Variants in ENTPD1 observed in about 807,000 individuals in gnomAD.
The protein encoded by ENTPD1 is ectonucleoside triphosphate diphosphohydrolase 1.
Under a neutral mutation model 57.0 loss-of-function variants are expected in ENTPD1, and 33 were observed. The ratio of observed to expected loss-of-function variants is 0.58; its 90% CI spans 0.44 to 0.77. The LOEUF (loss-of-function observed/expected upper bound fraction) is 0.77, where lower values mean the gene tolerates loss of function less well. ENTPD1 is among the 30% of genes least tolerant of loss of function. The pLI, the probability that ENTPD1 is intolerant of heterozygous loss-of-function variation, is 0.00. For missense variants in ENTPD1, 501 were observed against 603.4 expected (o/e 0.83, Z 1.78); for synonymous variants, 202 against 218.8 (o/e 0.92, Z 0.68).
In ENTPD1 at chr10:95,830,025, G is replaced by A. The variant is rs567082504; in HGVS notation, c.144+6661G>A. On this transcript the variant is annotated intron_variant, in intron 2 of 9. Transcript: ENST00000371205. ...GGGACTCTGCAGAGAGTCCCCACCAGCAAGAAGGCCCTCCTGAGATGTTGC... is the reference window on the plus strand; with the variant it reads ...GGGACTCTGCAGAGAGTCCCCACCAACAAGAAGGCCCTCCTGAGATGTTGC... 2.0e-5 allele frequency among the ~76,000 whole-genome samples: 3 copies of A among 152,202 alleles called. No individual in the cohort carries two copies. In the South Asian group the frequency reaches 6.2e-4, roughly 32 times the overall value.
At chr10:95,858,142 G>A (rs887997514) in intron 7 of ENTPD1, among the ~76,000 whole-genome samples, 6 of 146,234 alleles carry the variant, frequency 4.1e-5, no homozygotes, top group African/African-American at 1.5e-4. Context: ...GGGCGACAGA[G>A]CAAGACTCCA....
At position 95,869,707 on chromosome 10, in the gene ENTPD1, G is replaced by GT; in HGVS notation, c.*3325dup. ...TAAAATTACACTTCATTTTAATGTT[G>GT]TATCAGTCAAGGTCCCTGCAAGAGA... On this transcript the variant is annotated 3_prime_UTR_variant, in exon 10 of 10. Transcript: ENST00000371205. 2.1e-6 allele frequency: 2 copies of GT among 949,062 alleles called. No homozygotes were observed. Among genetic ancestry groups the GT allele is most frequent in the Non-Finnish European group, 2.5e-6 (2 of 796,880 alleles). 58.8% of individuals were successfully genotyped at this position (949,062 alleles called of 1,614,324 possible). A position where few individuals can be genotyped will look rare whatever the true frequency, so the allele number is the denominator to read the frequency against.
At chr10:95,828,499 C>T (rs1344733673) in intron 2 of ENTPD1, among the ~76,000 whole-genome samples, 1 of 152,152 alleles carries the variant, frequency 6.6e-6, no homozygotes, top group Non-Finnish European at 1.5e-5. Context: ...CTCCTCACCA[C>T]CTCTGGGTCT....
At chr10:95,858,106 G>A (rs904871883) in intron 7 of ENTPD1, among the ~76,000 whole-genome samples, 1 of 150,036 alleles carries the variant, frequency 6.7e-6, no homozygotes, top group East Asian at 2.0e-4. Flanking sequence ...GCAGTGAGCC[G>A]AGATCGCGCC....
upstream of ENTPD1, among the ~76,000 whole-genome samples, chr10:95,751,136 G>A (rs2139901040): frequency 6.6e-6 from 1 of 152,346 alleles, no homozygotes; most frequent in South Asian, 2.1e-4. Flanking sequence ...GAGAGGTAGA[G>A]AGAGTCCTTA....
At chr10:95,699,768 G>A in the ENTPD1 span, among the ~76,000 whole-genome samples, 2 of 152,198 alleles carry the variant, frequency 1.3e-5, no homozygotes, top group Admixed American at 1.3e-4. Flanking sequence ...AAAAGTAGGA[G>A]GTGTGGTTGA....
In ENTPD1 at chr10:95,866,360, T is replaced by C. The variant is rs780001459; in HGVS notation, c.1510T>C (p.Tyr504His). The change falls in exon 10 of 10, where the codon TAT (tyrosine) becomes CAT (histidine). Residue 504 changes from tyrosine (Y) to histidine (H), a missense_variant. Tyr to His is a moderately conservative substitution (Grantham distance 83, BLOSUM62 2). Coordinates refer to ENST00000371205, the MANE Select transcript of ENTPD1 (RefSeq NM_001776.6). ...IGLLIFHKPSYFWKDMV is the reference protein window; with the variant it reads ...IGLLIFHKPSHFWKDMV ...CTTGCTTATCTTTCACAAGCCTTCA[T>C]ATTTCTGGAAAGATATGGTATAGCA... 9.9e-6 allele frequency: 16 copies of C among 1,614,052 alleles called. No individual in the cohort carries two copies. The highest frequency in any genetic ancestry group is 1.2e-5 in the Non-Finnish European group (14 of 1,180,038).
At chr10:95,827,441 C>T (rs1045176644) in intron 2 of ENTPD1, among the ~76,000 whole-genome samples, 1 of 151,240 alleles carries the variant, frequency 6.6e-6, no homozygotes, top group African/African-American at 2.4e-5. Flanking sequence ...GGTGACAGAG[C>T]AAGACTCTGT....
At chr10:95,814,025 T>A (rs1319485082) in intron 1 of ENTPD1, among the ~76,000 whole-genome samples, 2 of 152,212 alleles carry the variant, frequency 1.3e-5, no homozygotes, top group African/African-American at 4.8e-5. Flanking sequence ...AGGGCACAAT[T>A]TTTCAATTTC....
chr10:95,709,366 T>C (rs1425743686), upstream of ENTPD1, among the ~76,000 whole-genome samples: 1 of 152,164 alleles, frequency 6.6e-6, no homozygotes, highest in Non-Finnish European at 1.5e-5. Context: ...TCCTTATTTT[T>C]TTTTTCTGTT....
At chr10:95,793,143 C>G in intron 1 of ENTPD1, among the ~76,000 whole-genome samples, 1 of 152,196 alleles carries the variant, frequency 6.6e-6, no homozygotes, top group Non-Finnish European at 1.5e-5. Context: ...TCCCCTCCCA[C>G]CATTGTGTGA....
chr10:95,751,709 C>A (rs1253259240), upstream of ENTPD1, among the ~76,000 whole-genome samples: 4 of 115,422 alleles, frequency 3.5e-5, no homozygotes, highest in African/African-American at 1.4e-4. Flanking sequence ...AGTGAGACAT[C>A]GTCTCAAAAA....
chr10:95,872,115 A>G lies in ENTPD1; in HGVS notation c.*5732A>G, dbSNP rs544443329. On this transcript the variant is annotated 3_prime_UTR_variant, in exon 10 of 10. Transcript: ENST00000371205. ...TATTTCTCCTTCTAATATTACTGTT[A>G]TTGCTCCAGTAAAGAGCTGTAATAT... 1 of 985,358 alleles carries G rather than the reference A, an allele frequency of 1.0e-6. No homozygotes were observed. The highest frequency in any genetic ancestry group is 4.7e-5 in the South Asian group (1 of 21,288). 61.0% of individuals were successfully genotyped at this position (985,358 alleles called of 1,614,324 possible).
At chr10:95,825,847 G>A (rs2098373716) in intron 2 of ENTPD1, among the ~76,000 whole-genome samples, 1 of 152,116 alleles carries the variant, frequency 6.6e-6, no homozygotes, top group African/African-American at 2.4e-5. Context: ...CAAAATGCTG[G>A]GATTACAGGC....
chr10:95,848,083 G>A (rs921117218), intron 7 of ENTPD1, among the ~76,000 whole-genome samples: 1 of 152,148 alleles, frequency 6.6e-6, no homozygotes, highest in Non-Finnish European at 1.5e-5. Context: ...CTGACTAGGG[G>A]GTTGTGCCCA....
chr10:95,786,179 A>G (rs1295469807), intron 1 of ENTPD1, among the ~76,000 whole-genome samples: 2 of 152,114 alleles, frequency 1.3e-5, no homozygotes, highest in East Asian at 1.9e-4. Context: ...CTCCCTAGGG[A>G]TGGTTTGCCC....
At chr10:95,844,747 G>A (rs2098430796) in intron 5 of ENTPD1, 112 bp downstream of exon 5, 3 of 1,253,384 alleles carry the variant, frequency 2.4e-6, no homozygotes, top group East Asian at 2.3e-5. Flanking sequence ...ATAGATGGAT[G>A]GATGGATGGA....
chr10:95,810,274 C>T (rs1268122590), intron 1 of ENTPD1, among the ~76,000 whole-genome samples: 36 of 139,162 alleles, frequency 2.6e-4, no homozygotes, highest in Admixed American at 1.0e-3. Context: ...CAGGCAGAGA[C>T]GCTCCTCACC....
rs573175464 is a variant in ENTPD1 at position 95,869,401 on chromosome 10, C to G, written c.*3018C>G. 96 of 665,190 alleles carry G rather than the reference C, an allele frequency of 1.4e-4. No individual in the cohort carries two copies. In the East Asian group the frequency reaches 2.7e-3, roughly 19 times the overall value. The allele number at this position is 665,190 out of a possible 1,614,324, so 41.2% of individuals were successfully genotyped here. The stretch of plus-strand genomic sequence containing the variant: ...AGTAGCTGGGATTGCAGGTGCCCAC[C>G]ACCACACCCGGCTAATTTTTGTATT... On this transcript the variant is annotated 3_prime_UTR_variant, in exon 10 of 10. Transcript: ENST00000371205.
Sources: allele counts gnomAD v4.1 joint callset (sites outside exome capture counted in the v4.1 genomes callset), GRCh38; gene constraint gnomAD v4.1.1; transcripts MANE v1.5; gene names NCBI Gene and HGNC (gene_info 2026-07-23, HGNC 2026-07-21).